Variants in KCNIP4 observed in about 807,000 individuals in gnomAD.
KCNIP4 encodes potassium voltage-gated channel interacting protein 4, also known as Kv channel-interacting protein 4.
In KCNIP4, 12 loss-of-function variants were observed where a neutral mutation model predicts 34.0. That is an observed-to-expected ratio of 0.35 (90% CI 0.23 to 0.57). The LOEUF is 0.57. KCNIP4 is among the 20% of genes least tolerant of loss of function. The pLI is 0.83. For missense variants in KCNIP4, 238 were observed against 311.7 expected (o/e 0.76, Z 1.78); for synonymous variants, 124 against 102.2 (o/e 1.21, Z -1.29).
chr4:21,648,157 G>GCCAC (rs1435459722), intron 1 of KCNIP4, among the ~76,000 whole-genome samples: 1 of 151,970 alleles, frequency 6.6e-6, no homozygotes, highest in African/African-American at 2.4e-5. Context: ...ACAGGTGTGA[G>GCCAC]CCACCGCGCC....
chr4:21,265,704 A>C (rs561753247), intron 1 of KCNIP4, among the ~76,000 whole-genome samples: 1 of 152,342 alleles, frequency 6.6e-6, no homozygotes, highest in South Asian at 2.1e-4. Context: ...TAAGTTCCAC[A>C]ATCAGAAGTC....
chr4:21,540,454 A>T (rs934418015), intron 1 of KCNIP4, among the ~76,000 whole-genome samples: 2 of 152,182 alleles, frequency 1.3e-5, no homozygotes, highest in African/African-American at 4.8e-5. Flanking sequence ...TCAAATCAGG[A>T]GAATACGTAC....
chr4:21,890,250 G>T (rs1727014444), intron 1 of KCNIP4, among the ~76,000 whole-genome samples: 1 of 152,116 alleles, frequency 6.6e-6, no homozygotes, highest in Non-Finnish European at 1.5e-5. Flanking sequence ...TAACATGCTT[G>T]ACCAGAGGCA....
intron 1 of KCNIP4, among the ~76,000 whole-genome samples, chr4:20,969,947 T>G (rs1165804081): frequency 1.1e-5 from 1 of 88,358 alleles, no homozygotes; most frequent in Non-Finnish European, 2.7e-5. Context: ...TTATCAGCAG[T>G]TTTTTTTTTT....
At chr4:21,864,003 T>A (rs141289312) in intron 1 of KCNIP4, among the ~76,000 whole-genome samples, 5 of 152,218 alleles carry the variant, frequency 3.3e-5, no homozygotes, top group Admixed American at 1.3e-4. Flanking sequence ...AATGAAGACC[T>A]GAAGTAATGT....
At chr4:21,238,046 T>C (rs1352957652) in intron 1 of KCNIP4, among the ~76,000 whole-genome samples, 3 of 152,164 alleles carry the variant, frequency 2.0e-5, no homozygotes, top group Non-Finnish European at 4.4e-5. Flanking sequence ...CAAGTGGGCT[T>C]CATCCCTGGG....
intron 1 of KCNIP4, among the ~76,000 whole-genome samples, chr4:21,902,637 GAGA>G (rs1196158787): frequency 6.6e-6 from 1 of 152,058 alleles, no homozygotes; most frequent in Non-Finnish European, 1.5e-5. Flanking sequence ...CTGGTAGCAT[GAGA>G]AGCTCTGAGA....
intron 1 of KCNIP4, among the ~76,000 whole-genome samples, chr4:21,896,975 TTTAATCATGAAAATAACATGC>T (rs1388917008): frequency 2.0e-5 from 3 of 149,530 alleles, no homozygotes; most frequent in African/African-American, 7.4e-5. Flanking sequence ...AAATAAATAT[TTTAATCATGAAAATAACATGC>T]TTATATTTGT....
intron 1 of KCNIP4, among the ~76,000 whole-genome samples, chr4:21,421,909 A>G (rs6838479): frequency 0.12 from 17,995 of 152,106 alleles, 1,175 homozygotes; most frequent in East Asian, 0.17. Flanking sequence ...TGAAACTGTC[A>G]TTTCCTCCAT....
chr4:21,180,991 C>G lies in KCNIP4; in HGVS notation c.62-298282G>C, dbSNP rs368674161. ...ACAGGCAGAATATGACTTCTCCCAA[C>G]CAAAGGCAACATTCTTGCTAACTTT... On this transcript the variant is annotated intron_variant, in intron 1 of 8. Coordinates refer to ENST00000382152, the MANE Select transcript of KCNIP4 (RefSeq NM_025221.6). 8.5e-5 allele frequency among the ~76,000 whole-genome samples: 13 copies of G among 152,170 alleles called. No individual in the cohort carries two copies. In the East Asian group the frequency reaches 2.1e-3, roughly 25 times the overall value.
intron 1 of KCNIP4, among the ~76,000 whole-genome samples, chr4:21,103,329 T>C (rs1033252884): frequency 4.8e-5 from 7 of 146,272 alleles, no homozygotes; most frequent in African/African-American, 1.7e-4. Context: ...ATATAAAATA[T>C]ATATAATATA....
rs1262953366 is a variant in KCNIP4, at chr4:20,850,651, T to G, written c.180A>C (p.Glu60Asp). The change falls in exon 3 of 9, where the codon GAA (glutamate) becomes GAC (aspartate). Residue 60 changes from glutamate (E) to aspartate (D), a missense_variant. By Grantham distance (45) the Glu-to-Asp change is conservative. Coordinates refer to ENST00000382152, the MANE Select transcript of KCNIP4 (RefSeq NM_025221.6). ...SPAIQNSVED[E>D]LEMATVRHRP... The stretch of plus-strand genomic sequence containing the variant: ...GATGCCTGACGGTGGCCATCTCCAG[T>G]TCATCTTCCACGCTGTCTGTGGAGG... The G allele has an allele frequency of 1.9e-6, 3 of 1,612,232 alleles. No homozygotes were observed. Among genetic ancestry groups the G allele is most frequent in the Non-Finnish European group, 2.5e-6 (3 of 1,179,548 alleles).
chr4:21,177,659 G>T (rs1037957597), intron 1 of KCNIP4, among the ~76,000 whole-genome samples: 15 of 151,602 alleles, frequency 9.9e-5, no homozygotes, highest in African/African-American at 3.6e-4. Context: ...ACAAAACCCG[G>T]TCTCTACTAA....
chr4:21,375,359 T>C (rs1188140687), intron 1 of KCNIP4, among the ~76,000 whole-genome samples: 1 of 152,152 alleles, frequency 6.6e-6, no homozygotes, highest in Admixed American at 6.5e-5. Context: ...CCAGTAAAGC[T>C]GGCCCATTGA....
At chr4:20,898,866 T>C (rs531319689) in intron 1 of KCNIP4, among the ~76,000 whole-genome samples, 111 of 152,302 alleles carry the variant, frequency 7.3e-4, no homozygotes, top group African/African-American at 2.6e-3. Context: ...AGCAAGGTAC[T>C]AGGCATTTTA....
At chr4:21,789,749 C>T (rs896707952) in intron 1 of KCNIP4, among the ~76,000 whole-genome samples, 2 of 151,416 alleles carry the variant, frequency 1.3e-5, no homozygotes, top group African/African-American at 4.9e-5. Flanking sequence ...CAATAAAAGA[C>T]AAGATATTTG....
chr4:21,465,187 G>T (rs568867468), intron 1 of KCNIP4, among the ~76,000 whole-genome samples: 1 of 152,100 alleles, frequency 6.6e-6, no homozygotes, highest in Non-Finnish European at 1.5e-5. Flanking sequence ...GCACTGAGTT[G>T]AATGCCTACT....
intron 1 of KCNIP4, among the ~76,000 whole-genome samples, chr4:21,608,071 A>G (rs1362968568): frequency 6.6e-6 from 1 of 151,688 alleles, no homozygotes; most frequent in African/African-American, 2.4e-5. Context: ...CTTTTCTCTT[A>G]AAGGCTTTAT....
intron 1 of KCNIP4, among the ~76,000 whole-genome samples, chr4:21,196,818 T>C (rs73109417): frequency 0.038 from 5,858 of 152,190 alleles, 371 homozygotes; most frequent in African/African-American, 0.13. Context: ...AGGTAGAAAA[T>C]ACAGCACATA....
Sources: gnomAD v4.1 joint callset for allele counts (sites outside exome capture counted in the v4.1 genomes callset) on GRCh38, gnomAD v4.1.1 for gene constraint, MANE v1.5 for transcripts, NCBI Gene and HGNC (gene_info 2026-07-23, HGNC 2026-07-21) for gene names.